The following FGF14 variants were observed in gnomAD, a reference collection of about 807,000 sequenced individuals.
FGF14 encodes the protein fibroblast growth factor 14.
In FGF14, 5 loss-of-function variants were observed where a neutral mutation model predicts 25.5. That is an observed-to-expected ratio of 0.20 (90% confidence interval 0.10 to 0.41). FGF14 has a LOEUF of 0.41. FGF14 is among the 10% of genes least tolerant of loss of function. The pLI is 1.00. For synonymous variants in FGF14, 138 were observed against 118.3 expected, an observed-to-expected ratio of 1.17 and a Z score of -1.08; for missense variants, 222 against 320.1, an observed-to-expected ratio of 0.69 and a Z score of 2.34.
intron 1 of FGF14, among the ~76,000 whole-genome samples, chr13:102,385,553 C>A (rs1211635537): frequency 6.6e-6 from 1 of 152,270 alleles, no homozygotes; most frequent in East Asian, 1.9e-4. Context: ...ACAAAAGCTA[C>A]TTGAAAGCCA....
chr13:101,786,144 G>A (rs2039811286), intron 3 of FGF14, among the ~76,000 whole-genome samples: 1 of 151,956 alleles, frequency 6.6e-6, no homozygotes, highest in Non-Finnish European at 1.5e-5. Context: ...TTGGCAGTAA[G>A]ACACCAGCTC....
At chr13:102,397,203 G>T (rs2058604838) in intron 1 of FGF14, among the ~76,000 whole-genome samples, 1 of 152,028 alleles carries the variant, frequency 6.6e-6, no homozygotes, top group Admixed American at 6.6e-5. Context: ...CACCATGACA[G>T]CCCTAGATGT....
intron 1 of FGF14, among the ~76,000 whole-genome samples, chr13:102,066,056 C>CT (rs2042891315): frequency 1.3e-5 from 2 of 152,008 alleles, no homozygotes; most frequent in African/African-American, 4.8e-5. Flanking sequence ...TCACATATAG[C>CT]TAGTTAAGAA....
At chr13:102,156,481 C>A (rs1280846798) in intron 1 of FGF14, among the ~76,000 whole-genome samples, 1 of 152,166 alleles carries the variant, frequency 6.6e-6, no homozygotes, top group East Asian at 1.9e-4. Context: ...TAAAAACTCT[C>A]AATAAATTAG....
At chr13:101,872,194 A>T (rs1189698301) in intron 2 of FGF14, among the ~76,000 whole-genome samples, 6 of 151,770 alleles carry the variant, frequency 4.0e-5, no homozygotes, top group East Asian at 2.0e-4. Context: ...TGGTTTTTTT[A>T]AAATTATTTT....
At chr13:102,067,016 T>A (rs1408625774) in intron 1 of FGF14, among the ~76,000 whole-genome samples, 1 of 152,190 alleles carries the variant, frequency 6.6e-6, no homozygotes, top group Non-Finnish European at 1.5e-5. Context: ...CCATGTCTCC[T>A]ACTGCTTACC....
At chr13:101,833,383 A>G (rs921168396) in intron 3 of FGF14, among the ~76,000 whole-genome samples, 1 of 152,046 alleles carries the variant, frequency 6.6e-6, no homozygotes, top group Non-Finnish European at 1.5e-5. Flanking sequence ...CTCAGTTAAG[A>G]CATATTTTCA....
At chr13:101,757,206 A>G (rs2037722398) in intron 3 of FGF14, among the ~76,000 whole-genome samples, 1 of 152,162 alleles carries the variant, frequency 6.6e-6, no homozygotes, top group African/African-American at 2.4e-5. Flanking sequence ...TGGTATCTAG[A>G]GAATATGTTT....
intron 3 of FGF14, among the ~76,000 whole-genome samples, chr13:101,807,601 A>T (rs978907642): frequency 1.5e-4 from 23 of 152,044 alleles, no homozygotes; most frequent in Non-Finnish European, 3.4e-4. Flanking sequence ...GAAAGAATAA[A>T]ATATATATAT....
intron 3 of FGF14, among the ~76,000 whole-genome samples, chr13:101,852,931 T>C (rs917135164): frequency 2.6e-5 from 4 of 152,134 alleles, no homozygotes; most frequent in Non-Finnish European, 4.4e-5. Context: ...AATTCCACCC[T>C]AAATCAATGT....
intron 1 of FGF14, among the ~76,000 whole-genome samples, chr13:101,945,920 G>A (rs1373726011): frequency 1.3e-5 from 2 of 152,094 alleles, no homozygotes; most frequent in East Asian, 1.9e-4. Context: ...TTTATAGACT[G>A]TTTTATACGT....
At chr13:101,812,896 A>G (rs1008102521) in intron 3 of FGF14, among the ~76,000 whole-genome samples, 8 of 151,532 alleles carry the variant, frequency 5.3e-5, no homozygotes, top group Non-Finnish European at 1.0e-4. Context: ...CGAACTCCTG[A>G]CCTCAGGTGA....
At chr13:102,133,636 T>C (rs995573071) in intron 1 of FGF14, among the ~76,000 whole-genome samples, 1 of 152,220 alleles carries the variant, frequency 6.6e-6, no homozygotes, top group Admixed American at 6.5e-5. Context: ...GCAAATCTTT[T>C]TAAAACAGTC....
chr13:102,366,430 T>C (rs1044054062), intron 1 of FGF14: 3 of 152,092 alleles, frequency 2.0e-5, no homozygotes, highest in Non-Finnish European at 4.4e-5. Context: ...TGATGAATGA[T>C]CTAAGATTAC....
chr13:101,715,554 T>G lies in FGF14; in HGVS notation c.*7277A>C, dbSNP rs1243317850. ...CATAATCATGATACCTATATGTATT[T>G]TATTGCAGGGAATGGAATATGTAGC... On this transcript the variant is annotated 3_prime_UTR_variant, in exon 5 of 5. Transcript: ENST00000376143. 1 of 1,595,170 alleles carries G rather than the reference T, an allele frequency of 6.3e-7. No homozygotes were observed. The highest frequency in any genetic ancestry group is 8.6e-7 in the Non-Finnish European group (1 of 1,162,804).
At chr13:102,260,861 G>T (rs1005630543) in intron 1 of FGF14, among the ~76,000 whole-genome samples, 2 of 152,092 alleles carry the variant, frequency 1.3e-5, no homozygotes, top group African/African-American at 4.8e-5. Context: ...TCTGAATGAC[G>T]CCTGTTATAC....
chr13:102,364,364 C>T (rs1404920340), intron 1 of FGF14, among the ~76,000 whole-genome samples: 1 of 152,212 alleles, frequency 6.6e-6, no homozygotes, highest in African/African-American at 2.4e-5. Context: ...TAACAGGCCA[C>T]AACTTCATGG....
intron 1 of FGF14, among the ~76,000 whole-genome samples, chr13:102,186,338 T>C (rs1594324130): frequency 6.6e-6 from 1 of 152,248 alleles, no homozygotes; most frequent in South Asian, 2.1e-4. Context: ...TAAAGATCTC[T>C]TTTAAAGGAA....
chr13:102,148,209 T>TG (rs948970408), intron 1 of FGF14, among the ~76,000 whole-genome samples: 10 of 152,124 alleles, frequency 6.6e-5, no homozygotes, highest in African/African-American at 2.4e-4. Context: ...CAATGTAACT[T>TG]GGGGGGAAAA....
Sources: allele counts gnomAD v4.1 joint callset (sites outside exome capture counted in the v4.1 genomes callset), GRCh38; gene constraint gnomAD v4.1.1; transcripts MANE v1.5; gene names NCBI Gene and HGNC (gene_info 2026-07-23, HGNC 2026-07-21).